AKAP9: variants seen among roughly 807,000 people sequenced by gnomAD.
AKAP9 encodes the protein A-kinase anchoring protein 9.
A neutral mutation model predicts 488.5 loss-of-function variants in AKAP9; 311 were observed. That is an observed-to-expected ratio of 0.64 (90% CI 0.58 to 0.70). The LOEUF is 0.70. Ranked by LOEUF, AKAP9 falls within the 30% of genes least tolerant of loss-of-function variation. The pLI is 0.00. For synonymous variants in AKAP9, 1,462 were observed against 1,483.5 expected, an observed-to-expected ratio of 0.99 and a Z score of 0.33; for missense variants, 4,215 against 4,374.5, an observed-to-expected ratio of 0.96 and a Z score of 1.03.
intron 3 of AKAP9, among the ~76,000 whole-genome samples, chr7:91,981,837 C>T (rs1320265526): frequency 6.6e-6 from 1 of 152,000 alleles, no homozygotes; most frequent in East Asian, 1.9e-4. Context: ...AACTCCTGAC[C>T]TCATGATCTA....
intron 1 of AKAP9, among the ~76,000 whole-genome samples, chr7:91,965,498 A>C (rs1225084954): frequency 1.3e-5 from 2 of 152,194 alleles, no homozygotes; most frequent in African/African-American, 4.8e-5. Context: ...AAAACATGGG[A>C]ATGCAGCTAT....
rs749473172 is a variant in AKAP9 at position 91,973,808 on chromosome 7, T to A, written c.146T>A (p.Val49Glu). 8 of 1,614,128 alleles carry A rather than the reference T, an allele frequency of 5.0e-6. No individual in the cohort carries two copies. Among genetic ancestry groups the A allele is most frequent in the Middle Eastern group, 1.6e-4 (1 of 6,062 alleles). ...AAAACGTCAAGCAGTAAACATGATG[T>A]GTCAGCACACCATGATTTGAATATT... Reference protein sequence around the residue: ...KRKTSSSKHDVSAHHDLNIDQ... With the variant: ...KRKTSSSKHDESAHHDLNIDQ... The change falls in exon 2 of 50, where the codon GTG becomes GAG. Residue 49 changes from valine to glutamate, a missense_variant. Val to Glu is a moderately radical substitution (Grantham distance 121). Coordinates refer to ENST00000356239, the MANE Select transcript of AKAP9 (RefSeq NM_005751.5).
At chr7:91,990,371 T>C (rs2130627553) in intron 3 of AKAP9, among the ~76,000 whole-genome samples, 2 of 152,260 alleles carry the variant, frequency 1.3e-5, no homozygotes, top group South Asian at 4.1e-4. Flanking sequence ...ATGATCCTGA[T>C]ATTCTGTTAA....
chr7:92,095,153 C>T lies in AKAP9; in HGVS notation c.9709C>T (p.Arg3237Trp), dbSNP rs749167841. 29 of 1,614,092 alleles carry T rather than the reference C, an allele frequency of 1.8e-5. No homozygotes were observed. The highest frequency in any genetic ancestry group is 4.0e-5 in the African/African-American group (3 of 75,040). ...AGCCAAGTTGGGACGCAGTGAAGAA[C>T]GGGATAAAGAAGAACTTGAGGTACT... ...EKAKLGRSEERDKEELEDLKF... is the reference protein window; with the variant it reads ...EKAKLGRSEEWDKEELEDLKF... The change falls in exon 40 of 50, where the codon CGG becomes TGG. Residue 3237 changes from arginine to tryptophan, a missense_variant. Physicochemically the swap from Arg to Trp is moderately radical, Grantham distance 101 (BLOSUM62 -3). Around this residue, in one of 5 missense-constraint regions of AKAP9, gnomAD observed 1,476 missense variants for 1,477.4 expected, o/e 1.00. Transcript: ENST00000356239.
intron 31 of AKAP9, among the ~76,000 whole-genome samples, chr7:92,082,161 C>T (rs1813696634): frequency 6.6e-6 from 1 of 152,218 alleles, no homozygotes; most frequent in Non-Finnish European, 1.5e-5. Context: ...CCTCAAACTC[C>T]TGGCCTCAAA....
intron 8 of AKAP9, among the ~76,000 whole-genome samples, chr7:92,011,059 G>C (rs937274264): frequency 6.6e-6 from 1 of 151,934 alleles, no homozygotes; most frequent in South Asian, 2.1e-4. Context: ...TTTCTTAACC[G>C]CAGTAATTGT....
Position 92,079,798 on chromosome 7 carries a change from T to G in AKAP9, c.7665T>G (p.Leu2555=). The G allele has an allele frequency of 1.2e-6, 2 of 1,614,098 alleles. No homozygotes were observed. The highest frequency in any genetic ancestry group is 1.1e-5 in the South Asian group (1 of 91,084). The part of the protein sequence containing the change: ...KIVEEKVAAA[L]VSQIQLEAVQ... Reference sequence around the variant, plus strand: ...TTGAAGAAAAAGTGGCTGCTGCTCTTGTCAGTCAAATCCAACTTGAGGCAG... The same window carrying G: ...TTGAAGAAAAAGTGGCTGCTGCTCTGGTCAGTCAAATCCAACTTGAGGCAG... Residue 2555 remains leucine, a synonymous_variant, in exon 31 of 50, where the codon CTT becomes CTG. Coordinates refer to ENST00000356239, the MANE Select transcript of AKAP9 (RefSeq NM_005751.5).
At chr7:92,022,392 G>C in intron 13 of AKAP9, 40 bp downstream of exon 13, 1 of 1,385,754 alleles carries the variant, frequency 7.2e-7, no homozygotes, top group Non-Finnish European at 1.0e-6. Context: ...TGTTTTTATA[G>C]CAAATATTGA....
At position 92,083,247 on chromosome 7, in the gene AKAP9, A is replaced by G; in HGVS notation, c.8238A>G (p.Lys2746=). ...ATCACCTCGCAGAGGCAAAAGAGAAATTGTCCATTTTAGAAAAAGAAGATG... is the reference window on the plus strand; with the variant it reads ...ATCACCTCGCAGAGGCAAAAGAGAAGTTGTCCATTTTAGAAAAAGAAGATG... ...VRDHLAEAKE[K]LSILEKEDET... Residue 2746 remains lysine, a synonymous_variant, in exon 33 of 50, where the codon AAA becomes AAG. Transcript: ENST00000356239. 6.2e-7 allele frequency: 1 copy of G among 1,614,168 alleles called. No homozygotes were observed. The highest frequency in any genetic ancestry group is 8.5e-7 in the Non-Finnish European group (1 of 1,180,026).
At chr7:91,977,027 G>A (rs556026712) in intron 2 of AKAP9, among the ~76,000 whole-genome samples, 1 of 152,216 alleles carries the variant, frequency 6.6e-6, no homozygotes, top group East Asian at 1.9e-4. Flanking sequence ...GGGAGGCAGA[G>A]GCAAGGGGAT....
intron 22 of AKAP9, among the ~76,000 whole-genome samples, chr7:92,059,768 T>C (rs1279954592): frequency 6.6e-6 from 1 of 151,824 alleles, no homozygotes; most frequent in Admixed American, 6.6e-5. Flanking sequence ...TAAATTCCCA[T>C]GTAGTTGTAT....
At position 91,973,925 on chromosome 7, in the gene AKAP9, A is replaced by C. The variant is rs1475022702; in HGVS notation, c.263A>C (p.His88Pro). ...GAATCTACAATAATGAGAACTCTAC[A>C]TAGTGGAGAAATAACCAGTCATGAG... The part of the protein sequence containing the change: ...IPESTIMRTL[H>P]SGEITSHEQG... Residue 88 changes from histidine to proline, a missense_variant, in exon 2 of 50, where the codon CAT becomes CCT. By Grantham distance (77) the His-to-Pro change is moderately conservative. This residue lies in a region of AKAP9 where 2,361 missense variants were observed against 2,430.0 expected (regional missense o/e 0.97). Coordinates refer to ENST00000356239, the MANE Select transcript of AKAP9 (RefSeq NM_005751.5). 6 of 1,614,096 alleles carry C rather than the reference A, an allele frequency of 3.7e-6. No individual in the cohort carries two copies. Among genetic ancestry groups the C allele is most frequent in the Non-Finnish European group, 5.1e-6 (6 of 1,179,988 alleles).
At chr7:91,999,366 C>T (rs1007170129) in intron 7 of AKAP9, among the ~76,000 whole-genome samples, 10 of 152,290 alleles carry the variant, frequency 6.6e-5, no homozygotes, top group East Asian at 1.9e-4. Context: ...GCTGGGATCA[C>T]GGGCGCCCAG....
chr7:92,072,797 T>C (rs1432310382), intron 28 of AKAP9, among the ~76,000 whole-genome samples: 1 of 152,170 alleles, frequency 6.6e-6, no homozygotes, highest in African/African-American at 2.4e-5. Flanking sequence ...AATAATAGTT[T>C]TGTTGAGGCC....
chr7:91,968,252 G>A (rs1053180078), intron 1 of AKAP9, among the ~76,000 whole-genome samples: 1 of 152,128 alleles, frequency 6.6e-6, no homozygotes, highest in African/African-American at 2.4e-5. Flanking sequence ...CTTGATGAGA[G>A]ACTTTTTATT....
In AKAP9 at chr7:92,108,572, C is replaced by A; in HGVS notation, c.11625C>A (p.Ala3875=). 2 of 1,614,110 alleles carry A rather than the reference C, an allele frequency of 1.2e-6. No individual in the cohort carries two copies. Among genetic ancestry groups the A allele is most frequent in the Non-Finnish European group, 1.7e-6 (2 of 1,180,020 alleles). The change falls in exon 49 of 50, where the codon GCC becomes GCA. Residue 3875 remains alanine, a synonymous_variant. Transcript: ENST00000356239. ...SQLQNYDPDR[A]LTDYITRLEA... ...TTCAGAATTACGATCCTGACAGAGC[C>A]CTAACAGATTATATCACTCGGCTAG...
At chr7:91,942,847 T>A (rs1562872397) in intron 1 of AKAP9, among the ~76,000 whole-genome samples, 1 of 152,234 alleles carries the variant, frequency 6.6e-6, no homozygotes, top group East Asian at 1.9e-4. Context: ...TTATCTTCTT[T>A]TAGAATTTAG....
chr7:91,997,568 A>G (rs977708161), intron 7 of AKAP9, among the ~76,000 whole-genome samples: 1 of 152,180 alleles, frequency 6.6e-6, no homozygotes, highest in Non-Finnish European at 1.5e-5. Flanking sequence ...GAGTAGGCAT[A>G]AAGACTCAGG....
At position 92,012,631 on chromosome 7, in the gene AKAP9, C is replaced by A; in HGVS notation, c.3521C>A (p.Thr1174Lys). ...CAGTTAGAACTACAGACTATGAAAA[C>A]ACAAGAAACAGGTAAAATGGTTTCT... The part of the protein sequence containing the change: ...IHQLELQTMK[T>K]QETGDEGKPL... Residue 1174 changes from threonine to lysine, a missense_variant, in exon 9 of 50, where the codon ACA becomes AAA. This residue lies in a region of AKAP9 where 2,361 missense variants were observed against 2,430.0 expected (regional missense o/e 0.97). Transcript: ENST00000356239. 6.2e-7 allele frequency: 1 copy of A among 1,608,734 alleles called. No homozygotes were observed. Among genetic ancestry groups the A allele is most frequent in the Non-Finnish European group, 8.5e-7 (1 of 1,175,524 alleles).
Sources: allele counts gnomAD v4.1 joint callset (sites outside exome capture counted in the v4.1 genomes callset), GRCh38; gene constraint gnomAD v4.1.1; regional missense constraint gnomAD v4.1.1; transcripts MANE v1.5; gene names NCBI Gene and HGNC (gene_info 2026-07-23, HGNC 2026-07-21).